The following BRINP1 variants were observed in gnomAD, a reference collection of about 807,000 sequenced individuals.
BRINP1 encodes the protein BMP/retinoic acid-inducible neural-specific protein 1.
BRINP1 carries 17 observed loss-of-function variants against 72.9 expected under a neutral mutation model. The observed-to-expected ratio is 0.23, with a 90% CI of 0.16 to 0.35. The LOEUF is 0.35. Among genes scored for constraint, BRINP1 ranks in the 10% least tolerant of loss-of-function variants. The pLI is 1.00. For synonymous variants in BRINP1, 418 were observed against 378.5 expected, an observed-to-expected ratio of 1.10 and a Z score of -1.21; for missense variants, 850 against 1,001.6, an observed-to-expected ratio of 0.85 and a Z score of 2.04.
chr9:119,356,288 T>C (rs552396713), intron 1 of BRINP1, among the ~76,000 whole-genome samples: 3 of 152,192 alleles, frequency 2.0e-5, no homozygotes, highest in Non-Finnish European at 4.4e-5. Context: ...CTATATAAAA[T>C]ACCAAGTCCT....
chr9:119,256,158 T>C (rs1052400739), intron 2 of BRINP1, among the ~76,000 whole-genome samples: 3 of 152,126 alleles, frequency 2.0e-5, no homozygotes, highest in Non-Finnish European at 4.4e-5. Flanking sequence ...CCTATTGGTT[T>C]ATACTTTGTA....
chr9:119,344,177 T>C (rs971489995), intron 1 of BRINP1, among the ~76,000 whole-genome samples: 7 of 152,224 alleles, frequency 4.6e-5, no homozygotes, highest in Non-Finnish European at 1.0e-4. Flanking sequence ...GTTTCTTGAT[T>C]GGTAAAATCT....
intron 3 of BRINP1, 144 bp from the exon 4 acceptor site, chr9:119,242,360 A>G: frequency 5.8e-6 from 4 of 686,300 alleles, no homozygotes; most frequent in Non-Finnish European, 7.3e-6. Flanking sequence ...TCAAAGGCAC[A>G]ATGAAAATAA....
intron 1 of BRINP1, among the ~76,000 whole-genome samples, chr9:119,318,842 G>GGGGTGT (rs1587959140): frequency 1.9e-5 from 1 of 53,770 alleles, no homozygotes; most frequent in African/African-American, 4.7e-5. Context: ...AGAAATGTGT[G>GGGGTGT]GGGTGTGTGT....
intron 6 of BRINP1, 42 bp from the exon 7 acceptor site, chr9:119,208,983 T>C: frequency 1.3e-6 from 2 of 1,532,136 alleles, no homozygotes; most frequent in Non-Finnish European, 1.8e-6. Context: ...CTAAGCATGA[T>C]AACACCCATC....
At chr9:119,210,706 T>C (rs184125387) in intron 6 of BRINP1, among the ~76,000 whole-genome samples, 1 of 152,274 alleles carries the variant, frequency 6.6e-6, no homozygotes, top group Admixed American at 6.5e-5. Context: ...TAGAAAAAAC[T>C]CAGGCATTTA....
intron 7 of BRINP1, among the ~76,000 whole-genome samples, chr9:119,179,891 A>C (rs1829533441): frequency 6.6e-6 from 1 of 152,198 alleles, no homozygotes; most frequent in Non-Finnish European, 1.5e-5. Flanking sequence ...CTCAGCCAGG[A>C]ATTTCTGGCA....
intron 2 of BRINP1, among the ~76,000 whole-genome samples, chr9:119,289,982 C>G (rs766673770): frequency 6.6e-6 from 1 of 152,200 alleles, no homozygotes; most frequent in Non-Finnish European, 1.5e-5. Flanking sequence ...CTGGCTGATT[C>G]ACCTGCAGTG....
chr9:119,318,844 G>GGGGGGGGT (rs111313745), intron 1 of BRINP1, among the ~76,000 whole-genome samples: 1 of 142,146 alleles, frequency 7.0e-6, no homozygotes, highest in African/African-American at 2.6e-5. Context: ...AAATGTGTGG[G>GGGGGGGGT]GTGTGTGTGT....
chr9:119,244,155 T>G (rs2118914267), intron 3 of BRINP1, among the ~76,000 whole-genome samples: 1 of 152,316 alleles, frequency 6.6e-6, no homozygotes, highest in Admixed American at 6.5e-5. Flanking sequence ...ACTCCTTACC[T>G]GAACTAGATT....
chr9:119,352,429 G>A (rs1035778650), intron 1 of BRINP1, among the ~76,000 whole-genome samples: 22 of 152,028 alleles, frequency 1.4e-4, no homozygotes, highest in Admixed American at 3.3e-4. Flanking sequence ...TTTCTAAGAT[G>A]TGATTTTCTT....
intron 1 of BRINP1, among the ~76,000 whole-genome samples, chr9:119,354,000 G>A (rs969734739): frequency 4.0e-5 from 6 of 151,846 alleles, no homozygotes; most frequent in African/African-American, 1.5e-4. Context: ...ACTAGGGAGA[G>A]AATGAGGGAG....
chr9:119,257,860 C>A (rs1588180432), intron 2 of BRINP1, among the ~76,000 whole-genome samples: 1 of 152,096 alleles, frequency 6.6e-6, no homozygotes, highest in African/African-American at 2.4e-5. Context: ...GAGAGGGTGT[C>A]AGCTCCAAAT....
At chr9:119,213,807 G>A in intron 6 of BRINP1, 112 bp downstream of exon 6, 2 of 890,652 alleles carry the variant, frequency 2.2e-6, no homozygotes, top group Non-Finnish European at 3.7e-6. Context: ...AAAGTGAAAG[G>A]GTCAGGGTCA....
At chr9:119,342,831 C>T (rs1253845215) in intron 1 of BRINP1, among the ~76,000 whole-genome samples, 1 of 152,194 alleles carries the variant, frequency 6.6e-6, no homozygotes, top group Non-Finnish European at 1.5e-5. Flanking sequence ...TGCAGAGCAT[C>T]AAGCAAGCAA....
intron 1 of BRINP1, among the ~76,000 whole-genome samples, chr9:119,344,548 A>G (rs1831432956): frequency 6.6e-6 from 1 of 152,222 alleles, no homozygotes; most frequent in Admixed American, 6.5e-5. Flanking sequence ...TTTTAACCAC[A>G]GCCTCTAGTA....
intron 1 of BRINP1, among the ~76,000 whole-genome samples, chr9:119,356,323 A>G (rs915072415): frequency 6.6e-6 from 1 of 152,194 alleles, no homozygotes; most frequent in African/African-American, 2.4e-5. Context: ...TCTGGTCCAC[A>G]TGCATTATCT....
At chr9:119,179,001 T>C (rs909808370) in intron 7 of BRINP1, among the ~76,000 whole-genome samples, 1 of 152,124 alleles carries the variant, frequency 6.6e-6, no homozygotes, top group Non-Finnish European at 1.5e-5. Flanking sequence ...CACAGATAAT[T>C]GGGGCTCCCG....
chr9:119,313,266 T>C lies in BRINP1; in HGVS notation c.90A>G (p.Thr30=), dbSNP rs1831087699. ...VQPSHQEPAG[T]DQHVSKEFDW... is the part of the protein sequence containing the mutation. ...CAAATTCCTTGGAGACATGTTGGTC[T>C]GTCCCAGCTGGTTCCTGGTGGGAGG... is the stretch of plus-strand genomic sequence containing the variant. The change falls in exon 2 of 8, where the codon ACA becomes ACG. Residue 30 remains threonine, a synonymous_variant. Coordinates refer to ENST00000265922, the MANE Select transcript of BRINP1 (RefSeq NM_014618.3). 1 of 1,614,184 alleles carries C rather than the reference T, an allele frequency of 6.2e-7. No individual in the cohort carries two copies. The highest frequency in any genetic ancestry group is 8.5e-7 in the Non-Finnish European group (1 of 1,180,036).
Sources: allele counts gnomAD v4.1 joint callset (sites outside exome capture counted in the v4.1 genomes callset), GRCh38; gene constraint gnomAD v4.1.1; transcripts MANE v1.5; gene names NCBI Gene and HGNC (gene_info 2026-07-23, HGNC 2026-07-21).